Variants in ETFA observed in about 807,000 individuals in gnomAD.
The protein encoded by ETFA is electron transfer flavoprotein subunit alpha, mitochondrial.
ETFA carries 22 observed loss-of-function variants against 46.2 expected under a neutral mutation model. The ratio of observed to expected loss-of-function variants is 0.48; its 90% CI spans 0.34 to 0.68. The LOEUF is 0.68. Ranked by LOEUF, ETFA falls within the 30% of genes least tolerant of loss-of-function variation. The pLI is 0.01. For missense variants in ETFA, 345 were observed against 401.1 expected, an observed-to-expected ratio of 0.86 and a Z score of 1.19; for synonymous variants, 131 against 139.9, an observed-to-expected ratio of 0.94 and a Z score of 0.45.
chr15:76,298,777 T>TAA (rs780793060), intron 1 of ETFA, among the ~76,000 whole-genome samples: 1 of 147,752 alleles, frequency 6.8e-6, no homozygotes, highest in Non-Finnish European at 1.5e-5. Context: ...TTCTTGTGCT[T>TAA]AAAAAAAAAA....
intron 9 of ETFA, among the ~76,000 whole-genome samples, chr15:76,236,322 C>A (rs2039121881): frequency 6.6e-6 from 1 of 152,094 alleles, no homozygotes; most frequent in Admixed American, 6.6e-5. Flanking sequence ...CTAGTGGCCA[C>A]ATTAAAGTAA....
intron 1 of ETFA, among the ~76,000 whole-genome samples, chr15:76,304,127 T>C (rs2039911325): frequency 6.6e-6 from 1 of 152,198 alleles, no homozygotes; most frequent in South Asian, 2.1e-4. Context: ...AATGAGATCA[T>C]GTCCTTTAGA....
rs191248950 is a variant in ETFA at position 76,280,021 on chromosome 15, C to T, written c.733+3736G>A. 2.1e-3 allele frequency among the ~76,000 whole-genome samples: 325 copies of T among 152,186 alleles called. 1 individual carries two copies. Among genetic ancestry groups the T allele is most frequent in the African/African-American group, 7.5e-3 (311 of 41,508 alleles). ...TCAAGAGATCCTCCTGCCTCAGCCT[C>T]CAGAGTAGCAGGGACTACAGGCTCA... On this transcript the variant is annotated intron_variant, in intron 8 of 11. Coordinates refer to ENST00000557943, the MANE Select transcript of ETFA (RefSeq NM_000126.4).
chr15:76,302,937 T>G (rs2039895152), intron 1 of ETFA, among the ~76,000 whole-genome samples: 1 of 152,192 alleles, frequency 6.6e-6, no homozygotes, highest in Non-Finnish European at 1.5e-5. Flanking sequence ...TGCCTCAGCC[T>G]CCTGAGTAGC....
In ETFA at chr15:76,278,683, CA is replaced by C. The variant is rs533700917; in HGVS notation, c.734-4190del. Among the ~76,000 whole-genome samples the C allele has an allele frequency of 1.6e-4, 25 of 152,306 alleles. 1 individual carries two copies. In the East Asian group the frequency reaches 4.8e-3, roughly 29 times the overall value. ...ATAATTTCATATATTTTCTTCTTTT[CA>C]AACTTCCTATACCTCTTTAGCATCC... On this transcript the variant is annotated intron_variant, in intron 8 of 11. Transcript: ENST00000557943.
chr15:76,273,949 A>C (rs1337847126), intron 9 of ETFA, among the ~76,000 whole-genome samples: 2 of 152,242 alleles, frequency 1.3e-5, no homozygotes, highest in African/African-American at 4.8e-5. Context: ...TGATACTATA[A>C]GACAAAATAC....
chr15:76,237,926 C>A (rs2460143), intron 9 of ETFA, among the ~76,000 whole-genome samples: 148,162 of 152,282 alleles, frequency 0.97, 72,217 homozygotes, highest in South Asian at 1. Context: ...ACTGACCATA[C>A]AGTTAGAATT....
chr15:76,290,333 C>CTTTTTTTTTTTT (rs10682432), intron 4 of ETFA, among the ~76,000 whole-genome samples: 13 of 97,140 alleles, frequency 1.3e-4, no homozygotes, highest in African/African-American at 3.9e-4. Context: ...AGTCGCTACT[C>CTTTTTTTTTTTT]TTTTTTTTTT....
chr15:76,262,474 C>CT (rs60480510), intron 9 of ETFA, among the ~76,000 whole-genome samples: 2,166 of 84,722 alleles, frequency 0.026, 338 homozygotes, highest in African/African-American at 0.075. Context: ...ATCAAACCCC[C>CT]TTTTTTTTTT....
At chr15:76,286,322 A>T (rs1396183032) in intron 6 of ETFA, 49 bp downstream of exon 6, 1 of 1,023,680 alleles carries the variant, frequency 9.8e-7, no homozygotes, top group Admixed American at 1.9e-5. Context: ...ACAGTCTATG[A>T]ATTAAAAAAG....
At chr15:76,286,819 A>C (rs1311548433) in intron 5 of ETFA, among the ~76,000 whole-genome samples, 1 of 152,200 alleles carries the variant, frequency 6.6e-6, no homozygotes, top group East Asian at 1.9e-4. Context: ...CAGTAACTCA[A>C]AACTATGAGC....
chr15:76,256,726 A>G (rs551845204), intron 9 of ETFA, among the ~76,000 whole-genome samples: 64 of 152,402 alleles, frequency 4.2e-4, no homozygotes, highest in African/African-American at 1.5e-3. Context: ...CACTGCATAT[A>G]TAAGGGTGGT....
intron 9 of ETFA, among the ~76,000 whole-genome samples, chr15:76,272,815 T>TATATATATATATAC (rs1256838101): frequency 1.4e-5 from 2 of 146,446 alleles, no homozygotes; most frequent in East Asian, 3.9e-4. Flanking sequence ...AATATATACA[T>TATATATATATATAC]ATATATATAT....
At chr15:76,265,438 G>C (rs965399290) in intron 9 of ETFA, among the ~76,000 whole-genome samples, 7 of 152,200 alleles carry the variant, frequency 4.6e-5, no homozygotes, top group Non-Finnish European at 8.8e-5. Context: ...TTTATATTGG[G>C]TTAATCAAGT....
intron 9 of ETFA, among the ~76,000 whole-genome samples, chr15:76,256,262 GAAAAAAA>G (rs59670988): frequency 2.1e-4 from 20 of 95,714 alleles, no homozygotes; most frequent in African/African-American, 5.3e-4. Context: ...CCGTCTCAAG[GAAAAAAA>G]AAAAAAAAAA....
chr15:76,304,911 C>T (rs555101467), intron 1 of ETFA, among the ~76,000 whole-genome samples: 6 of 151,778 alleles, frequency 4.0e-5, no homozygotes, highest in African/African-American at 9.7e-5. Flanking sequence ...GGCGTGGTGG[C>T]GGGCACCTGT....
intron 9 of ETFA, among the ~76,000 whole-genome samples, chr15:76,257,955 T>C (rs922114401): frequency 2.3e-5 from 3 of 130,792 alleles, no homozygotes; most frequent in African/African-American, 5.9e-5. Context: ...CACTCATAGG[T>C]GGGAATCAAA....
At position 76,247,199 on chromosome 15, in the gene ETFA, T is replaced by A. The variant is rs974473343; in HGVS notation, c.817-15801A>T. Among the ~76,000 whole-genome samples the A allele has an allele frequency of 3.1e-4, 47 of 152,032 alleles. No homozygotes were observed. The East Asian group carries it at 7.2e-3, about 23-fold the overall frequency. ...AAACCCAGGAGTCACTATTCAAATTTAAAAAAACAACTATCAAGGATTTGT... is the reference window on the plus strand; with the variant it reads ...AAACCCAGGAGTCACTATTCAAATTAAAAAAAACAACTATCAAGGATTTGT... On this transcript the variant is annotated intron_variant, in intron 9 of 11. Coordinates refer to ENST00000557943, the MANE Select transcript of ETFA (RefSeq NM_000126.4).
At chr15:76,305,643 T>C (rs191813754) in intron 1 of ETFA, among the ~76,000 whole-genome samples, 4 of 152,312 alleles carry the variant, frequency 2.6e-5, no homozygotes, top group African/African-American at 9.6e-5. Context: ...TTAAAGAGGT[T>C]ATCACCCTCT....
Sources: allele counts gnomAD v4.1 joint callset (sites outside exome capture counted in the v4.1 genomes callset), GRCh38; gene constraint gnomAD v4.1.1; transcripts MANE v1.5; gene names NCBI Gene and HGNC (gene_info 2026-07-23, HGNC 2026-07-21).